CLIC5: variants seen among roughly 807,000 people sequenced by gnomAD.
The protein encoded by CLIC5 is chloride intracellular channel protein 5.
In CLIC5, 20 loss-of-function variants were observed where a neutral mutation model predicts 24.7. The ratio of observed to expected loss-of-function variants is 0.81; its 90% CI spans 0.57 to 1.18. The LOEUF (loss-of-function observed/expected upper bound fraction) is 1.18, where lower values mean the gene tolerates loss of function less well. CLIC5 is among the 50% of genes most tolerant of loss of function. The pLI is 0.00. For synonymous variants in CLIC5, 159 were observed against 135.6 expected (o/e 1.17, Z -1.20); for missense variants, 341 against 326.1 (o/e 1.05, Z -0.35).
intron 1 of CLIC5, among the ~76,000 whole-genome samples, chr6:46,036,422 T>C (rs375230683): frequency 6.6e-6 from 1 of 150,466 alleles, no homozygotes; most frequent in Non-Finnish European, 1.5e-5. Context: ...ACCATTCTCC[T>C]GCCTCAGCCT....
chr6:45,958,478 A>G (rs1222664866), intron 1 of CLIC5, among the ~76,000 whole-genome samples: 1 of 139,940 alleles, frequency 7.1e-6, no homozygotes, highest in East Asian at 2.2e-4. Context: ...ATATATATAA[A>G]CAGCTAATGG....
At chr6:46,094,101 T>C in the CLIC5 span, among the ~76,000 whole-genome samples, 1 of 152,098 alleles carries the variant, frequency 6.6e-6, no homozygotes, top group African/African-American at 2.4e-5. Flanking sequence ...CCAGACCTTA[T>C]GAGAACTCAC....
chr6:45,918,773 A>G (rs528600588), intron 4 of CLIC5, among the ~76,000 whole-genome samples: 2 of 152,370 alleles, frequency 1.3e-5, no homozygotes, highest in East Asian at 3.9e-4. Context: ...TTATTGCCCT[A>G]GTCCCATACC....
the CLIC5 span, among the ~76,000 whole-genome samples, chr6:46,116,002 ATCC>A: frequency 6.6e-6 from 1 of 152,356 alleles, no homozygotes; most frequent in African/African-American, 2.4e-5. Flanking sequence ...GCTATTTTTT[ATCC>A]TCCTCTATAA....
the CLIC5 span, among the ~76,000 whole-genome samples, chr6:46,113,390 C>T: frequency 1.3e-5 from 2 of 152,096 alleles, no homozygotes; most frequent in African/African-American, 4.8e-5. Context: ...TGGCCTGAGG[C>T]ATTGCTGGAG....
chr6:46,020,499 C>T (rs553092046), upstream of CLIC5, among the ~76,000 whole-genome samples: 5 of 151,966 alleles, frequency 3.3e-5, no homozygotes, highest in South Asian at 1.0e-3. Context: ...ATAATCTAGG[C>T]TTCCATTTTA....
At chr6:45,926,788 C>T (rs1448802353) in intron 4 of CLIC5, among the ~76,000 whole-genome samples, 5 of 152,152 alleles carry the variant, frequency 3.3e-5, no homozygotes, top group African/African-American at 7.2e-5. Context: ...CAGCGAAGCC[C>T]GCCAGCACAC....
At position 46,007,906 on chromosome 6, in the gene CLIC5, T is replaced by C. The variant is rs543151223; in HGVS notation, c.63+7574A>G. Among the ~76,000 whole-genome samples the C allele has an allele frequency of 3.2e-3, 427 of 135,126 alleles. 1 individual carries two copies. The highest frequency in any genetic ancestry group is 0.01 in the African/African-American group (372 of 36,992). 88.6% of individuals were successfully genotyped at this position (135,126 alleles called of 152,430 possible). On this transcript the variant is annotated intron_variant, in intron 1 of 5. Coordinates refer to ENST00000339561, the MANE Select transcript of CLIC5 (RefSeq NM_016929.5). ...TGTTTGTTTGTTTTTTCCTGTTTTTTTTCTTTTTCTTTTTTTTTTTTTCCC... is the reference window on the plus strand; with the variant it reads ...TGTTTGTTTGTTTTTTCCTGTTTTTCTTCTTTTTCTTTTTTTTTTTTTCCC...
intron 1 of CLIC5, among the ~76,000 whole-genome samples, chr6:46,005,980 G>GTA (rs35395134): frequency 0.083 from 9,789 of 117,500 alleles, 448 homozygotes; most frequent in African/African-American, 0.12. Flanking sequence ...GCCTATGTGT[G>GTA]TATATATATA....
intron 1 of CLIC5, among the ~76,000 whole-genome samples, chr6:46,020,864 A>G (rs1242850052): frequency 6.6e-6 from 1 of 152,006 alleles, no homozygotes; most frequent in Non-Finnish European, 1.5e-5. Context: ...AATTCACTCA[A>G]TGAGAAGTAG....
At chr6:46,000,609 C>T (rs1187230708) in intron 1 of CLIC5, among the ~76,000 whole-genome samples, 89 of 152,170 alleles carry the variant, frequency 5.8e-4, no homozygotes, top group Non-Finnish European at 1.5e-5. Flanking sequence ...CACGGTTCCG[C>T]AGGGCTGGGG....
intron 4 of CLIC5, among the ~76,000 whole-genome samples, chr6:45,925,159 G>C (rs1005291464): frequency 2.6e-5 from 4 of 152,160 alleles, no homozygotes; most frequent in Admixed American, 1.3e-4. Flanking sequence ...AGAGTGCTTA[G>C]AACAGGGCAT....
At chr6:46,039,404 A>G (rs1188619855) in intron 1 of CLIC5, among the ~76,000 whole-genome samples, 3 of 151,996 alleles carry the variant, frequency 2.0e-5, no homozygotes, top group Non-Finnish European at 4.4e-5. Flanking sequence ...AAAACCAGAT[A>G]TACATAGGCA....
upstream of CLIC5, among the ~76,000 whole-genome samples, chr6:46,081,205 T>G (rs1428090061): frequency 6.6e-6 from 1 of 152,224 alleles, no homozygotes; most frequent in Non-Finnish European, 1.5e-5. Context: ...GTCAATGCCA[T>G]CCACAGATGC....
intron 1 of CLIC5, among the ~76,000 whole-genome samples, chr6:45,959,903 G>A (rs935373449): frequency 6.6e-6 from 1 of 152,028 alleles, no homozygotes; most frequent in Non-Finnish European, 1.5e-5. Flanking sequence ...GCTTCATCAA[G>A]GACATTCATA....
At chr6:45,918,030 C>G (rs79737527) in intron 4 of CLIC5, among the ~76,000 whole-genome samples, 6,764 of 152,262 alleles carry the variant, frequency 0.044, 391 homozygotes, top group African/African-American at 0.12. Flanking sequence ...TTGATAGATA[C>G]CCAGTGTTTT....
intron 5 of CLIC5, among the ~76,000 whole-genome samples, chr6:45,910,074 A>T (rs1319174708): frequency 6.6e-6 from 1 of 152,134 alleles, no homozygotes; most frequent in Non-Finnish European, 1.5e-5. Flanking sequence ...GCCAGTGTTG[A>T]ACTTCTGTTA....
intron 1 of CLIC5, among the ~76,000 whole-genome samples, chr6:46,077,470 G>A (rs934399821): frequency 1.3e-5 from 2 of 151,906 alleles, no homozygotes; most frequent in Non-Finnish European, 2.9e-5. Flanking sequence ...CCCTTCCACA[G>A]AGCAGGGAAG....
At chr6:45,980,435 A>G (rs1192360517) in intron 1 of CLIC5, among the ~76,000 whole-genome samples, 7 of 152,126 alleles carry the variant, frequency 4.6e-5, no homozygotes, top group African/African-American at 1.7e-4. Flanking sequence ...GAGTGGGGTG[A>G]GCATTGGAAA....
Sources: gnomAD v4.1 joint callset for allele counts (sites outside exome capture counted in the v4.1 genomes callset) on GRCh38, gnomAD v4.1.1 for gene constraint, MANE v1.5 for transcripts, NCBI Gene and HGNC (gene_info 2026-07-23, HGNC 2026-07-21) for gene names.